The following OLA1 variants were observed in gnomAD, a reference collection of about 807,000 sequenced individuals.
OLA1 encodes the protein obg-like ATPase 1.
OLA1 carries 14 observed loss-of-function variants against 48.4 expected under a neutral mutation model. The ratio of observed to expected loss-of-function variants is 0.29; its 90% CI spans 0.19 to 0.45. The LOEUF is 0.45. Ranked by LOEUF, OLA1 falls within the 20% of genes least tolerant of loss-of-function variation. The probability of loss-of-function intolerance (pLI) is 1.00; values close to 1 mark genes in which losing one functional copy is unlikely to be tolerated. For synonymous variants in OLA1, 127 were observed against 150.4 expected (o/e 0.84, Z 1.14); for missense variants, 325 against 467.1 (o/e 0.70, Z 2.80).
intron 4 of OLA1, among the ~76,000 whole-genome samples, chr2:174,162,739 G>C (rs1165231014): frequency 6.6e-6 from 1 of 152,092 alleles, no homozygotes; most frequent in Non-Finnish European, 1.5e-5. Flanking sequence ...CCAAGTACTG[G>C]GGCAGATCAC....
chr2:174,149,541 T>G (rs945935316), intron 4 of OLA1, among the ~76,000 whole-genome samples: 1 of 152,228 alleles, frequency 6.6e-6, no homozygotes, highest in East Asian at 1.9e-4. Context: ...TAAAATCTAT[T>G]CACTAAGTGA....
intron 4 of OLA1, among the ~76,000 whole-genome samples, chr2:174,217,029 G>C (rs1688376888): frequency 6.6e-6 from 1 of 152,112 alleles, no homozygotes; most frequent in Admixed American, 6.5e-5. Flanking sequence ...TTTCAACTGT[G>C]CAAGGGTCAG....
intron 5 of OLA1, among the ~76,000 whole-genome samples, chr2:174,129,457 CAATAAATAAATAAATAAATA>C (rs199979448): frequency 3.6e-5 from 5 of 140,720 alleles, no homozygotes; most frequent in African/African-American, 5.2e-5. Context: ...GACTCCGTCT[CAATAAATAAATAAATAAATA>C]AATAAATAAA....
intron 1 of OLA1, chr2:174,247,957 C>T (rs1379952370): frequency 1.4e-6 from 1 of 728,874 alleles, no homozygotes; most frequent in Non-Finnish European, 2.2e-6. Flanking sequence ...TCCCAGTCTT[C>T]TGGCTGAGAG....
intron 7 of OLA1, among the ~76,000 whole-genome samples, chr2:174,092,146 A>C (rs1685141622): frequency 6.7e-6 from 1 of 150,278 alleles, no homozygotes; most frequent in East Asian, 2.0e-4. Context: ...AAAAAAAGAA[A>C]GAAAAGAAAA....
At chr2:174,225,888 AT>A (rs1225660623) in intron 3 of OLA1, among the ~76,000 whole-genome samples, 1 of 152,056 alleles carries the variant, frequency 6.6e-6, no homozygotes, top group Non-Finnish European at 1.5e-5. Context: ...CTGAGATTCT[AT>A]TTTCTATTGA....
chr2:174,086,376 G>C (rs905405130), intron 7 of OLA1, among the ~76,000 whole-genome samples: 1 of 152,020 alleles, frequency 6.6e-6, no homozygotes, highest in Non-Finnish European at 1.5e-5. Flanking sequence ...GGACACTAAA[G>C]CCTCTAAACC....
intron 4 of OLA1, among the ~76,000 whole-genome samples, chr2:174,205,452 C>T (rs1229331750): frequency 6.6e-6 from 1 of 152,142 alleles, no homozygotes; most frequent in African/African-American, 2.4e-5. Context: ...TTTGATTCTA[C>T]TCATCTGGCA....
At chr2:174,145,447 G>A (rs1273523113) in intron 4 of OLA1, among the ~76,000 whole-genome samples, 1 of 151,962 alleles carries the variant, frequency 6.6e-6, no homozygotes, top group Admixed American at 6.6e-5. Context: ...TTAGTGCACT[G>A]GTAAATTCAG....
At chr2:174,194,671 T>C (rs911474624) in intron 4 of OLA1, among the ~76,000 whole-genome samples, 6 of 152,216 alleles carry the variant, frequency 3.9e-5, no homozygotes, top group African/African-American at 1.4e-4. Context: ...CCCCATATTC[T>C]CCTTTAATTA....
chr2:174,227,633 A>G (rs1211599580), intron 3 of OLA1, among the ~76,000 whole-genome samples: 2 of 152,256 alleles, frequency 1.3e-5, no homozygotes, highest in Non-Finnish European at 2.9e-5. Context: ...CACTGAAGTC[A>G]GCCTGAAGAG....
chr2:174,124,245 C>T (rs1685992708), intron 5 of OLA1: 1 of 150,596 alleles, frequency 6.6e-6, no homozygotes, highest in Non-Finnish European at 1.5e-5. Flanking sequence ...CCCCCCGAAC[C>T]TGCCAAAGCC....
At chr2:174,161,631 C>T (rs1395439406) in intron 4 of OLA1, among the ~76,000 whole-genome samples, 1 of 150,776 alleles carries the variant, frequency 6.6e-6, no homozygotes, top group African/African-American at 2.4e-5. Flanking sequence ...CACCACTGCA[C>T]TCCAGCCTGG....
chr2:174,078,736 GA>G (rs1272552254), intron 10 of OLA1, among the ~76,000 whole-genome samples: 2 of 151,424 alleles, frequency 1.3e-5, no homozygotes, highest in African/African-American at 2.4e-5. Context: ...TTCAATTATA[GA>G]AAAAAACCTC....
In OLA1 at chr2:174,091,869, CAAAAAAAAAAAAAAAAAAAAAAA is replaced by C. The variant is rs1174747360; in HGVS notation, c.729-9828_729-9806del. Among the ~76,000 whole-genome samples, 395 of 22,980 alleles carry C rather than the reference CAAAAAAAAAAAAAAAAAAAAAAA, an allele frequency of 0.017. 19 individuals carry two copies. The Middle Eastern group carries it at 0.22, about 13-fold the overall frequency. 15.1% of individuals were successfully genotyped at this position (22,980 alleles called of 152,430 possible). On this transcript the variant is annotated intron_variant, in intron 7 of 10. Transcript: ENST00000284719. ...CCTGGGAGACAGCGAGACTCTGCCT[CAAAAAAAAAAAAAAAAAAAAAAA>C]AAAAAAAAAAAAAAAGCCTCTCCCT...
intron 8 of OLA1, among the ~76,000 whole-genome samples, chr2:174,081,480 G>T (rs1684852120): frequency 3.3e-5 from 5 of 151,866 alleles, no homozygotes; most frequent in Admixed American, 3.3e-4. Context: ...TGAATTGTTT[G>T]CTATTTAAAA....
chr2:174,173,819 A>T (rs768092871), intron 4 of OLA1, among the ~76,000 whole-genome samples: 11 of 152,064 alleles, frequency 7.2e-5, no homozygotes, highest in Admixed American at 3.9e-4. Context: ...GAAAGAGGAG[A>T]CATTATAGGT....
chr2:174,227,428 A>G (rs1158017521), intron 3 of OLA1, among the ~76,000 whole-genome samples: 1 of 152,160 alleles, frequency 6.6e-6, no homozygotes, highest in African/African-American at 2.4e-5. Context: ...ATGTTTTACT[A>G]TGGTTGTGTG....
chr2:174,075,542 T>C lies in OLA1; in HGVS notation c.1090-15A>G. On this transcript the variant is annotated splice_polypyrimidine_tract_variant and intron_variant, in intron 10 of 10. Transcript: ENST00000284719. ...TTTCCAGCAGCCTGCAAACAGAAAA[T>C]ATAGAGGAAATGGGTTATTAGTTTA... 5 of 1,518,190 alleles carry C rather than the reference T, an allele frequency of 3.3e-6. No individual in the cohort carries two copies. Among genetic ancestry groups the C allele is most frequent in the Middle Eastern group, 1.7e-4 (1 of 5,844 alleles). The allele number at this position is 1,518,190 out of a possible 1,614,324, so 94.0% of individuals were successfully genotyped here. A position where few individuals can be genotyped will look rare whatever the true frequency, so the allele number is the denominator to read the frequency against.
Sources: allele counts gnomAD v4.1 joint callset (sites outside exome capture counted in the v4.1 genomes callset), GRCh38; gene constraint gnomAD v4.1.1; transcripts MANE v1.5; gene names NCBI Gene and HGNC (gene_info 2026-07-23, HGNC 2026-07-21).